The following CFAP44 variants were observed in gnomAD, a reference collection of about 807,000 sequenced individuals.
CFAP44 encodes cilia- and flagella-associated protein 44.
A neutral mutation model predicts 216.2 loss-of-function variants in CFAP44; 134 were observed. That is an observed-to-expected ratio of 0.62 (90% CI 0.54 to 0.72). The LOEUF (loss-of-function observed/expected upper bound fraction) is 0.72, where lower values mean the gene tolerates loss of function less well. Ranked by LOEUF, CFAP44 falls within the 30% of genes least tolerant of loss-of-function variation. CFAP44 has a pLI of 0.00. For missense variants in CFAP44, 2,035 were observed against 2,182.1 expected (o/e 0.93, Z 1.34); for synonymous variants, 700 against 727.6 (o/e 0.96, Z 0.61).
At chr3:113,346,177 G>A (rs185308499) in intron 22 of CFAP44, among the ~76,000 whole-genome samples, 74 of 150,548 alleles carry the variant, frequency 4.9e-4, no homozygotes, top group Non-Finnish European at 8.1e-4. Context: ...ACCAATCAGC[G>A]CTCTGTGTCT....
intron 24 of CFAP44, among the ~76,000 whole-genome samples, chr3:113,338,813 G>A (rs1950304842): frequency 6.6e-6 from 1 of 152,174 alleles, no homozygotes; most frequent in Admixed American, 6.5e-5. Flanking sequence ...GAGTGAGACT[G>A]GGGCTTGTTT....
At position 113,290,204 on chromosome 3, in the gene CFAP44, G is replaced by T. The variant is rs1489279432; in HGVS notation, c.*1353C>A. 1 of 152,126 alleles carries T rather than the reference G, an allele frequency of 6.6e-6. No individual in the cohort carries two copies. Among genetic ancestry groups the T allele is most frequent in the East Asian group, 1.9e-4 (1 of 5,186 alleles). The allele number at this position is 152,126 out of a possible 1,614,324, so 9.4% of individuals were successfully genotyped here. Reference sequence around the variant, plus strand: ...GAAAGTGATTTAAAAAAAAAAGTGGGTGCTCTCCAGTAGAGAAGTGACTAC... The same window carrying T: ...GAAAGTGATTTAAAAAAAAAAGTGGTTGCTCTCCAGTAGAGAAGTGACTAC... On this transcript the variant is annotated 3_prime_UTR_variant, in exon 35 of 35. Coordinates refer to ENST00000393845, the MANE Select transcript of CFAP44 (RefSeq NM_001164496.2).
intron 23 of CFAP44, among the ~76,000 whole-genome samples, chr3:113,342,837 T>TTAAA (rs1553754834): frequency 7.1e-6 from 1 of 141,038 alleles, no homozygotes; most frequent in Non-Finnish European, 1.6e-5. Flanking sequence ...TAAAAATACA[T>TTAAA]AAAAAAAAAA....
intron 23 of CFAP44, 121 bp downstream of exon 23, chr3:113,344,395 G>A: frequency 1.2e-6 from 1 of 803,676 alleles, no homozygotes; most frequent in Non-Finnish European, 1.9e-6. Context: ...CATCATGGAA[G>A]GAAGAGGGGC....
chr3:113,357,127 A>T (rs1378672648), intron 22 of CFAP44, among the ~76,000 whole-genome samples: 2 of 152,192 alleles, frequency 1.3e-5, no homozygotes, highest in Admixed American at 1.3e-4. Flanking sequence ...AAGGGACTGA[A>T]AATCACTCAT....
At chr3:113,358,938 A>T in intron 21 of CFAP44, 63 bp from the exon 22 acceptor site, 1 of 1,480,592 alleles carries the variant, frequency 6.8e-7, no homozygotes, top group Non-Finnish European at 8.9e-7. Context: ...CATATATTTC[A>T]GTTTTGTCCC....
chr3:113,438,137 T>C (rs754417094), intron 1 of CFAP44, among the ~76,000 whole-genome samples: 1 of 152,238 alleles, frequency 6.6e-6, no homozygotes, highest in Non-Finnish European at 1.5e-5. Flanking sequence ...CATGAGTTTA[T>C]ATAAAACACC....
At chr3:113,386,013 A>G (rs1933640797) in intron 15 of CFAP44, among the ~76,000 whole-genome samples, 1 of 152,100 alleles carries the variant, frequency 6.6e-6, no homozygotes, top group African/African-American at 2.4e-5. Flanking sequence ...GAAATCTGCT[A>G]TCATTGTATT....
chr3:113,293,706 C>T (rs1184996315), intron 34 of CFAP44, among the ~76,000 whole-genome samples: 1 of 152,194 alleles, frequency 6.6e-6, no homozygotes, highest in African/African-American at 2.4e-5. Context: ...AAAAAGACCC[C>T]TCAATATTCA....
At chr3:113,407,114 T>G in intron 7 of CFAP44, 73 bp from the exon 8 acceptor site, 1 of 1,109,590 alleles carries the variant, frequency 9.0e-7, no homozygotes, top group East Asian at 2.4e-5. Flanking sequence ...GACCCAAACA[T>G]TTACATATTT....
In CFAP44 at chr3:113,320,538, A is replaced by ATATATATAATGAAGTTATATATATG. The variant is rs1404464819; in HGVS notation, c.4516+5882_4516+5906dup. Among the ~76,000 whole-genome samples the ATATATATAATGAAGTTATATATATG allele has an allele frequency of 4.0e-3, 579 of 146,542 alleles. 5 individuals carry two copies. The highest frequency in any genetic ancestry group is 0.014 in the African/African-American group (552 of 39,928). On this transcript the variant is annotated intron_variant, in intron 28 of 34. Transcript: ENST00000393845. Reference sequence around the variant, plus strand: ...CAGTACTTAATGAAGTTATATATGTATATATATAATGAAGTTATATATATG... The same window carrying ATATATATAATGAAGTTATATATATG: ...CAGTACTTAATGAAGTTATATATGTATATATATAATGAAGTTATATATATGTATATATAATGAAGTTATATATATG...
At chr3:113,379,222 T>G (rs1332510104) in intron 17 of CFAP44, 84 bp downstream of exon 17, 5 of 1,013,076 alleles carry the variant, frequency 4.9e-6, no homozygotes, top group Admixed American at 3.2e-5. Context: ...AATCTTAACA[T>G]AAGAGTAAGA....
intron 22 of CFAP44, among the ~76,000 whole-genome samples, chr3:113,347,739 G>A (rs1251870624): frequency 6.6e-6 from 1 of 152,140 alleles, no homozygotes; most frequent in Non-Finnish European, 1.5e-5. Context: ...TTCAAGTGAG[G>A]ACAAAAGGCG....
intron 18 of CFAP44, among the ~76,000 whole-genome samples, chr3:113,369,440 A>G (rs1449774619): frequency 2.0e-5 from 3 of 152,250 alleles, no homozygotes; most frequent in Non-Finnish European, 2.9e-5. Flanking sequence ...AAAACTGCAC[A>G]ACTATGTGGA....
At chr3:113,360,228 T>C (rs562577221) in intron 21 of CFAP44, 1 of 158,314 alleles carries the variant, frequency 6.3e-6, no homozygotes, top group South Asian at 1.8e-4. Flanking sequence ...AAAAGAAGCT[T>C]AAAGATGATT....
At position 113,433,806 on chromosome 3, in the gene CFAP44, C is replaced by T. The variant is rs1276977854; in HGVS notation, c.-5-137G>A. ...TGTTTGCACAGGATCCAGGATGACCCACCAGTAGGAGGGTGCAACTACCAC... is the reference window on the plus strand; with the variant it reads ...TGTTTGCACAGGATCCAGGATGACCTACCAGTAGGAGGGTGCAACTACCAC... On this transcript the variant is annotated intron_variant, in intron 1 of 34. Coordinates refer to ENST00000393845, the MANE Select transcript of CFAP44 (RefSeq NM_001164496.2). 3.7e-5 allele frequency: 25 copies of T among 668,628 alleles called. No homozygotes were observed. In the Admixed American group the frequency reaches 5.4e-4, roughly 14 times the overall value. 41.4% of individuals were successfully genotyped at this position (668,628 alleles called of 1,614,324 possible).
At chr3:113,316,011 C>T (rs1011510002) in intron 28 of CFAP44, among the ~76,000 whole-genome samples, 9 of 152,150 alleles carry the variant, frequency 5.9e-5, no homozygotes, top group Admixed American at 5.2e-4. Context: ...TGCAAGTGCC[C>T]AGAGAACAAA....
At chr3:113,409,029 A>AAAAT in intron 7 of CFAP44, 77 bp downstream of exon 7, 1 of 710,108 alleles carries the variant, frequency 1.4e-6, no homozygotes, top group Non-Finnish European at 2.1e-6. Flanking sequence ...AAAAAAAAAA[A>AAAAT]GTCTCCAGCT....
chr3:113,401,138 A>C, intron 11 of CFAP44, 102 bp downstream of exon 11: 2 of 1,101,870 alleles, frequency 1.8e-6, no homozygotes, highest in Non-Finnish European at 2.6e-6. Flanking sequence ...TTTTATGAGG[A>C]CCATGATGAA....
Sources: gnomAD v4.1 joint callset for allele counts (sites outside exome capture counted in the v4.1 genomes callset) on GRCh38, gnomAD v4.1.1 for gene constraint, MANE v1.5 for transcripts, NCBI Gene and HGNC (gene_info 2026-07-23, HGNC 2026-07-21) for gene names.